Variants in KCNMA1 observed in about 807,000 individuals in gnomAD.
KCNMA1 encodes the protein Calcium-activated potassium channel subunit alpha-1.
A neutral mutation model predicts 140.0 loss-of-function variants in KCNMA1; 29 were observed. The ratio of observed to expected loss-of-function variants is 0.21; its 90% confidence interval spans 0.15 to 0.28. The LOEUF is 0.28. Among genes scored for constraint, KCNMA1 ranks in the 10% least tolerant of loss-of-function variants. The pLI is 1.00. For missense variants in KCNMA1, 880 were observed against 1,602.2 expected (o/e 0.55, Z 7.70); for synonymous variants, 612 against 611.9 (o/e 1.00, Z 0.00).
At chr10:77,262,170 G>A (rs2062190254) in intron 2 of KCNMA1, among the ~76,000 whole-genome samples, 2 of 152,282 alleles carry the variant, frequency 1.3e-5, no homozygotes, top group South Asian at 2.1e-4. Flanking sequence ...AGTGTCCATG[G>A]ACAGATGAAT....
intron 18 of KCNMA1, among the ~76,000 whole-genome samples, chr10:77,009,486 A>T (rs1053443596): frequency 8.5e-5 from 13 of 152,142 alleles, no homozygotes; most frequent in Non-Finnish European, 1.5e-5. Flanking sequence ...AGAAGTTCTC[A>T]CTTCATCCTT....
chr10:77,336,070 A>T (rs1443755425), intron 2 of KCNMA1, among the ~76,000 whole-genome samples: 1 of 152,222 alleles, frequency 6.6e-6, no homozygotes, highest in African/African-American at 2.4e-5. Context: ...TGGGAAAAAA[A>T]TAGTAATGGA....
At chr10:77,582,758 C>G (rs1321736802) in intron 1 of KCNMA1, among the ~76,000 whole-genome samples, 2 of 152,230 alleles carry the variant, frequency 1.3e-5, no homozygotes, top group Non-Finnish European at 2.9e-5. Context: ...CCTCGGGGGA[C>G]TTCTTGACCT....
intron 3 of KCNMA1, among the ~76,000 whole-genome samples, chr10:77,216,145 C>T (rs972769460): frequency 6.6e-6 from 1 of 152,100 alleles, no homozygotes; most frequent in Non-Finnish European, 1.5e-5. Context: ...TCTATAGAGA[C>T]AGAAAGTAGA....
rs566045133 is a variant in KCNMA1, at chr10:76,944,191, G to C, written c.2902+582C>G. On this transcript the variant is annotated intron_variant, in intron 23 of 27. Transcript: ENST00000286628. ...GGGTCCCAAAGCAAATGACAGGAAAGACTAGGGGCAGAGTAGGAAGGCAGA... is the reference window on the plus strand; with the variant it reads ...GGGTCCCAAAGCAAATGACAGGAAACACTAGGGGCAGAGTAGGAAGGCAGA... Among the ~76,000 whole-genome samples the C allele has an allele frequency of 2.6e-5, 4 of 152,316 alleles. No homozygotes were observed. The South Asian group carries it at 8.3e-4, about 32-fold the overall frequency.
At chr10:77,315,834 C>G in intron 2 of KCNMA1, 1 of 152,064 alleles carries the variant, frequency 6.6e-6, no homozygotes, top group East Asian at 1.9e-4. Context: ...TAAACTGCAT[C>G]AAGTAAAAGC....
intron 1 of KCNMA1, among the ~76,000 whole-genome samples, chr10:77,594,414 G>A (rs919142959): frequency 4.6e-5 from 7 of 152,176 alleles, no homozygotes; most frequent in African/African-American, 1.7e-4. Context: ...CCCAGAGTGG[G>A]TGCTCTTGTG....
chr10:77,509,105 T>G (rs1421853934), intron 1 of KCNMA1, among the ~76,000 whole-genome samples: 6 of 78,410 alleles, frequency 7.7e-5, no homozygotes, highest in East Asian at 1.8e-3. Flanking sequence ...TTGGGTTTTG[T>G]TGTTGTTGTT....
chr10:77,331,849 G>T (rs1306212049), intron 2 of KCNMA1, among the ~76,000 whole-genome samples: 1 of 152,032 alleles, frequency 6.6e-6, no homozygotes, highest in Non-Finnish European at 1.5e-5. Flanking sequence ...TAGGTAACCT[G>T]TCCCCTGTCC....
chr10:77,322,026 A>C (rs1479151085), intron 2 of KCNMA1, among the ~76,000 whole-genome samples: 1 of 152,228 alleles, frequency 6.6e-6, no homozygotes, highest in East Asian at 1.9e-4. Flanking sequence ...AGGAAAAGTC[A>C]CTTTGGGTCT....
intron 3 of KCNMA1, among the ~76,000 whole-genome samples, chr10:77,206,012 C>T (rs781504148): frequency 7.2e-5 from 11 of 152,128 alleles, no homozygotes; most frequent in African/African-American, 2.2e-4. Context: ...GCACCAATCT[C>T]GCTCTAATGA....
chr10:77,223,223 C>T (rs534107321), intron 3 of KCNMA1, among the ~76,000 whole-genome samples: 1 of 150,044 alleles, frequency 6.7e-6, no homozygotes, highest in East Asian at 1.9e-4. Flanking sequence ...GAGCAAGTTT[C>T]CATCTCAGAA....
intron 3 of KCNMA1, 177 bp downstream of exon 3, chr10:77,251,018 T>C: frequency 3.1e-6 from 2 of 642,338 alleles, no homozygotes; most frequent in South Asian, 3.5e-5. Context: ...ATAGCCTTCC[T>C]TCTGAGAACT....
At chr10:77,537,353 A>G (rs2059136499) in intron 1 of KCNMA1, among the ~76,000 whole-genome samples, 1 of 152,176 alleles carries the variant, frequency 6.6e-6, no homozygotes, top group Admixed American at 6.5e-5. Flanking sequence ...ACACCACCCC[A>G]GCAGAACCAC....
At chr10:77,545,826 C>T (rs1055894096) in intron 1 of KCNMA1, among the ~76,000 whole-genome samples, 1 of 152,174 alleles carries the variant, frequency 6.6e-6, no homozygotes, top group Non-Finnish European at 1.5e-5. Flanking sequence ...CATGCCTCAG[C>T]GTAGGAACAG....
At chr10:77,403,418 G>T (rs1168536478) in intron 2 of KCNMA1, among the ~76,000 whole-genome samples, 3 of 151,968 alleles carry the variant, frequency 2.0e-5, no homozygotes, top group Non-Finnish European at 4.4e-5. Flanking sequence ...CTGCAAGAGG[G>T]GGTCCCTATG....
chr10:77,487,137 C>T (rs774835097), intron 1 of KCNMA1, among the ~76,000 whole-genome samples: 1 of 152,204 alleles, frequency 6.6e-6, no homozygotes, highest in Admixed American at 6.5e-5. Flanking sequence ...CCAGCTCAGC[C>T]CTAGAACTCA....
chr10:77,174,699 G>A (rs1328714811), intron 5 of KCNMA1, among the ~76,000 whole-genome samples: 5 of 152,230 alleles, frequency 3.3e-5, no homozygotes, highest in East Asian at 1.9e-4. Context: ...CACAGAGCAG[G>A]AGAATCACTA....
At chr10:76,941,586 T>C (rs1404993349) in intron 23 of KCNMA1, among the ~76,000 whole-genome samples, 1 of 152,094 alleles carries the variant, frequency 6.6e-6, no homozygotes. Context: ...AAGAAAACAA[T>C]GGGACATAAA....
Sources: gnomAD v4.1 joint callset for allele counts (sites outside exome capture counted in the v4.1 genomes callset) on GRCh38, gnomAD v4.1.1 for gene constraint, MANE v1.5 for transcripts, NCBI Gene and HGNC (gene_info 2026-07-23, HGNC 2026-07-21) for gene names.